The following ALK variants were observed in gnomAD, a reference collection of about 807,000 sequenced individuals.
The protein encoded by ALK is ALK receptor tyrosine kinase, also known as ALK tyrosine kinase receptor.
Under a neutral mutation model 163.1 loss-of-function variants are expected in ALK, and 74 were observed. The ratio of observed to expected loss-of-function variants is 0.45; its 90% CI spans 0.38 to 0.55. The LOEUF (loss-of-function observed/expected upper bound fraction) is 0.55, where lower values mean the gene tolerates loss of function less well. ALK is among the 20% of genes least tolerant of loss of function. ALK has a pLI of 0.00. For missense variants in ALK, 2,063 were observed against 2,105.3 expected (o/e 0.98, Z 0.39); for synonymous variants, 960 against 843.2 (o/e 1.14, Z -2.40).
intron 4 of ALK, among the ~76,000 whole-genome samples, chr2:29,448,133 T>C (rs1325029642): frequency 6.6e-6 from 1 of 152,196 alleles, no homozygotes; most frequent in Non-Finnish European, 1.5e-5. Flanking sequence ...TACTGACTTT[T>C]TTTCCTTTTG....
At chr2:29,766,074 T>C (rs1680853597) in intron 1 of ALK, among the ~76,000 whole-genome samples, 2 of 152,260 alleles carry the variant, frequency 1.3e-5, no homozygotes, top group Non-Finnish European at 2.9e-5. Flanking sequence ...ACTAATATAA[T>C]TTTAATTAGC....
At chr2:29,817,170 C>G (rs1664920426) in intron 1 of ALK, among the ~76,000 whole-genome samples, 1 of 138,492 alleles carries the variant, frequency 7.2e-6, no homozygotes, top group African/African-American at 2.6e-5. Flanking sequence ...GGTGGGAGTT[C>G]AAGGTTTACA....
intron 4 of ALK, among the ~76,000 whole-genome samples, chr2:29,469,356 A>C (rs1204623844): frequency 6.6e-6 from 1 of 152,218 alleles, no homozygotes; most frequent in Non-Finnish European, 1.5e-5. Flanking sequence ...GCTGAGAACC[A>C]GTGACATCAA....
At chr2:29,726,459 C>G (rs528919752) in intron 1 of ALK, among the ~76,000 whole-genome samples, 60 of 152,280 alleles carry the variant, frequency 3.9e-4, no homozygotes, top group African/African-American at 1.4e-3. Flanking sequence ...GCCTGGAAAA[C>G]CAAGTCCATC....
chr2:29,836,967 T>C (rs931589727), intron 1 of ALK, among the ~76,000 whole-genome samples: 6 of 152,192 alleles, frequency 3.9e-5, no homozygotes, highest in Non-Finnish European at 8.8e-5. Flanking sequence ...AAAATATTCA[T>C]ATTAAATAAC....
intron 4 of ALK, among the ~76,000 whole-genome samples, chr2:29,530,820 G>A (rs1409451265): frequency 4.6e-5 from 7 of 152,308 alleles, no homozygotes; most frequent in African/African-American, 1.7e-4. Flanking sequence ...GCCCAGAGAG[G>A]CATTTCAGAG....
At chr2:29,816,403 T>C (rs1267321736) in intron 1 of ALK, among the ~76,000 whole-genome samples, 2 of 152,218 alleles carry the variant, frequency 1.3e-5, no homozygotes, top group South Asian at 2.1e-4. Flanking sequence ...AAGTGCTTTG[T>C]AAACAGTGGC....
intron 1 of ALK, among the ~76,000 whole-genome samples, chr2:29,769,369 C>A (rs1015681799): frequency 2.0e-5 from 3 of 152,012 alleles, no homozygotes; most frequent in African/African-American, 7.2e-5. Flanking sequence ...TTTTTCATGA[C>A]AAATAGAGAG....
intron 3 of ALK, among the ~76,000 whole-genome samples, chr2:29,553,395 A>G (rs974151615): frequency 1.3e-5 from 2 of 152,212 alleles, no homozygotes; most frequent in African/African-American, 2.4e-5. Context: ...ATAAAATTTC[A>G]ATTGTTTATA....
In ALK at chr2:29,296,956, A is replaced by G; in HGVS notation, c.1749T>C (p.His583=). Residue 583 remains histidine (H), a synonymous_variant, in exon 9 of 29, where the codon CAT becomes CAC. Transcript: ENST00000389048. ...GGCTCAAGCCTTCATAGGCGGCGAC[A>G]TGCCAGACCATCCTGCCTTGCTCCT... The part of the protein sequence containing the change: ...TGKEQGRMVW[H]VAAYEGLSLW... 1.2e-6 allele frequency: 2 copies of G among 1,614,214 alleles called. No individual in the cohort carries two copies. The highest frequency in any genetic ancestry group is 1.7e-6 in the Non-Finnish European group (2 of 1,180,024).
intron 5 of ALK, among the ~76,000 whole-genome samples, chr2:29,329,292 C>T (rs1272348081): frequency 6.6e-6 from 1 of 152,180 alleles, no homozygotes; most frequent in Non-Finnish European, 1.5e-5. Context: ...TTTGCAGGCC[C>T]CAGAGATTCA....
intron 3 of ALK, among the ~76,000 whole-genome samples, chr2:29,671,408 G>T (rs1263324475): frequency 6.6e-6 from 1 of 152,088 alleles, no homozygotes. Context: ...CTGAGTTACA[G>T]AGTAGAGTTT....
intron 3 of ALK, among the ~76,000 whole-genome samples, chr2:29,542,567 T>C (rs899338978): frequency 6.6e-6 from 1 of 152,258 alleles, no homozygotes; most frequent in Non-Finnish European, 1.5e-5. Flanking sequence ...TTAGAAACTT[T>C]GCCTCAAAAA....
intron 4 of ALK, among the ~76,000 whole-genome samples, chr2:29,513,094 A>G (rs933350290): frequency 6.6e-6 from 1 of 151,600 alleles, no homozygotes; most frequent in African/African-American, 2.4e-5. Flanking sequence ...TTATAGATTC[A>G]ATGCCGTCCC....
intron 3 of ALK, among the ~76,000 whole-genome samples, chr2:29,666,982 T>C (rs1219893471): frequency 6.6e-6 from 1 of 152,064 alleles, no homozygotes. Context: ...AACATAACTG[T>C]CTTCAGTTCC....
At chr2:29,445,306 T>C (rs1298242068) in intron 4 of ALK, among the ~76,000 whole-genome samples, 2 of 152,188 alleles carry the variant, frequency 1.3e-5, no homozygotes. Flanking sequence ...AAAGAAATCA[T>C]CCCCAGAGGA....
At chr2:29,849,745 G>T (rs562858154) in intron 1 of ALK, among the ~76,000 whole-genome samples, 2 of 152,082 alleles carry the variant, frequency 1.3e-5, no homozygotes, top group Non-Finnish European at 2.9e-5. Flanking sequence ...TGGTTGCAGT[G>T]GTGTCCCTTA....
intron 1 of ALK, among the ~76,000 whole-genome samples, chr2:29,787,130 C>T (rs1664056064): frequency 6.6e-6 from 1 of 152,148 alleles, no homozygotes; most frequent in Non-Finnish European, 1.5e-5. Context: ...ATGGAAGCCC[C>T]CTCAACAGAA....
At position 29,812,765 on chromosome 2, in the gene ALK, T is replaced by C. The variant is rs551368135; in HGVS notation, c.668-95068A>G. Among the ~76,000 whole-genome samples the C allele has an allele frequency of 5.9e-5, 9 of 152,288 alleles. No individual in the cohort carries two copies. In the South Asian group the frequency reaches 6.2e-4, roughly 11 times the overall value. On this transcript the variant is annotated intron_variant, in intron 1 of 28. Transcript: ENST00000389048. ...TGAGGACCCACCATCCAGGGCTGCA[T>C]TTCCTCTACAACATTTCCCACCTGG...
Sources: gnomAD v4.1 joint callset for allele counts (sites outside exome capture counted in the v4.1 genomes callset) on GRCh38, gnomAD v4.1.1 for gene constraint, MANE v1.5 for transcripts, NCBI Gene and HGNC (gene_info 2026-07-23, HGNC 2026-07-21) for gene names.